The following CACNA1C variants were observed in gnomAD, a reference collection of about 807,000 sequenced individuals.
The protein encoded by CACNA1C is voltage-dependent L-type calcium channel subunit alpha-1C.
A neutral mutation model predicts 229.0 loss-of-function variants in CACNA1C; 30 were observed. The observed-to-expected ratio is 0.13, with a 90% CI of 0.10 to 0.18. The LOEUF (loss-of-function observed/expected upper bound fraction) is 0.18. CACNA1C is among the 10% of genes least tolerant of loss of function. The pLI is 1.00. For synonymous variants in CACNA1C, 1,114 were observed against 1,132.5 expected (o/e 0.98, Z 0.33); for missense variants, 1,658 against 2,845.0 (o/e 0.58, Z 9.49).
At chr12:2,413,472 A>G (rs562899892) in intron 3 of CACNA1C, among the ~76,000 whole-genome samples, 1 of 152,302 alleles carries the variant, frequency 6.6e-6, no homozygotes, top group African/African-American at 2.4e-5. Context: ...CTCCTGCCAA[A>G]TGAAGTCAGC....
At chr12:2,222,783 T>A (rs1361751075) in intron 3 of CACNA1C, among the ~76,000 whole-genome samples, 1 of 152,172 alleles carries the variant, frequency 6.6e-6, no homozygotes, top group Non-Finnish European at 1.5e-5. Context: ...GAGGAGTGCT[T>A]TCTCATTCAC....
intron 3 of CACNA1C, among the ~76,000 whole-genome samples, chr12:2,430,257 G>T (rs1413069660): frequency 6.6e-6 from 1 of 152,128 alleles, no homozygotes; most frequent in African/African-American, 2.4e-5. Context: ...GAATTTGGGG[G>T]AGGGAATCAC....
chr12:2,611,377 GA>G (rs1201553959), intron 28 of CACNA1C, among the ~76,000 whole-genome samples: 1 of 147,604 alleles, frequency 6.8e-6, no homozygotes, highest in Non-Finnish European at 1.5e-5. Flanking sequence ...GGAGGAGATG[GA>G]GGAGGGAGGG....
chr12:2,690,052 G>A (rs1324689017), intron 46 of CACNA1C: 2 of 152,254 alleles, frequency 1.3e-5, no homozygotes, highest in East Asian at 3.9e-4. Flanking sequence ...AGCCGGTAGG[G>A]AGGACAGAGA....
chr12:2,269,957 A>C (rs2084116104), intron 3 of CACNA1C: 1 of 152,338 alleles, frequency 6.6e-6, no homozygotes, highest in Admixed American at 6.5e-5. Flanking sequence ...GGGACATGGA[A>C]AGAAAACACC....
intron 3 of CACNA1C, among the ~76,000 whole-genome samples, chr12:2,367,658 G>A (rs1372263944): frequency 1.3e-5 from 2 of 152,084 alleles, no homozygotes; most frequent in African/African-American, 4.8e-5. Flanking sequence ...ACAATATAAA[G>A]CAGCTGGTGC....
intron 1 of CACNA1C, among the ~76,000 whole-genome samples, chr12:1,982,713 C>G (rs2036512358): frequency 6.6e-6 from 1 of 152,010 alleles, no homozygotes. Context: ...GATTTTTATA[C>G]CTATATTCAC....
chr12:2,169,052 G>A (rs994799059), intron 3 of CACNA1C, among the ~76,000 whole-genome samples: 10 of 152,108 alleles, frequency 6.6e-5, no homozygotes, highest in African/African-American at 1.9e-4. Context: ...CCAGCCGCTC[G>A]CCTTCAGCAT....
chr12:2,621,422 G>A (rs56084590), intron 29 of CACNA1C, among the ~76,000 whole-genome samples: 11,242 of 152,270 alleles, frequency 0.074, 460 homozygotes, highest in Middle Eastern at 0.11. Context: ...TGGAAACTGA[G>A]AGTGGCGCGT....
Position 2,677,214 on chromosome 12 carries a change from C to A in CACNA1C, c.4949C>A (p.Ser1650Tyr). ...VGKPSQRNAL[S>Y]LQAGLRTLHD... ...AAGCCCTCCCAGAGGAACGCGCTGTCTCTGCAGGTGAGGGCCTGGGGGCGG... is the reference window on the plus strand; with the variant it reads ...AAGCCCTCCCAGAGGAACGCGCTGTATCTGCAGGTGAGGGCCTGGGGGCGG... Residue 1650 changes from serine to tyrosine, a missense_variant, in exon 40 of 47, where the codon TCT (serine) becomes TAT (tyrosine). Around this residue, in one of 20 missense-constraint regions of CACNA1C, gnomAD observed 590 missense variants for 700.8 expected, o/e 0.84. Transcript: ENST00000399655. This position sits in a 1 kb window ranked among gnomAD's most constrained non-coding sequence, Gnocchi z 7.4. 6.2e-7 allele frequency: 1 copy of A among 1,613,616 alleles called. No individual in the cohort carries two copies. Among genetic ancestry groups the A allele is most frequent in the Non-Finnish European group, 8.5e-7 (1 of 1,179,786 alleles).
chr12:2,641,711 A>G (rs1281595233), intron 30 of CACNA1C: 4 of 702,426 alleles, frequency 5.7e-6, no homozygotes, highest in Middle Eastern at 4.6e-4. Flanking sequence ...TTGTACCTTG[A>G]AGAGAAGGCG....
intron 3 of CACNA1C, among the ~76,000 whole-genome samples, chr12:2,253,689 G>A (rs2076398219): frequency 6.6e-6 from 1 of 152,200 alleles, no homozygotes; most frequent in Non-Finnish European, 1.5e-5. Context: ...ATTCACACAC[G>A]TAGGTAGTCA....
rs1321189618 is a variant in CACNA1C, at chr12:2,275,189, T to C, written c.477+154759T>C. On this transcript the variant is annotated intron_variant, in intron 3 of 46. Coordinates refer to ENST00000399655, the MANE Select transcript of CACNA1C (RefSeq NM_000719.7). The surrounding 1 kb of genome is among the most constrained non-coding windows in gnomAD (Gnocchi z 4.1). ...TAGTTGTGGCAGTGTGTTTGGTGTG[T>C]AATCATTGTCCTGCTAGCTAGCAGT... Among the ~76,000 whole-genome samples the C allele has an allele frequency of 6.6e-6, 1 of 152,226 alleles. No individual in the cohort carries two copies. Among genetic ancestry groups the C allele is most frequent in the Non-Finnish European group, 1.5e-5 (1 of 68,046 alleles).
Position 2,677,073 on chromosome 12 carries a change from T to C in CACNA1C, c.4829-21T>C. Reference sequence around the variant, plus strand: ...TCCCCTGCTCCCCTCTTACCCCCTCTCCCCTCTCCATACGTCTCAGATGAT... The same window carrying C: ...TCCCCTGCTCCCCTCTTACCCCCTCCCCCCTCTCCATACGTCTCAGATGAT... On this transcript the variant is annotated intron_variant, in intron 39 of 46. Transcript: ENST00000399655. This position sits in a 1 kb window ranked among gnomAD's most constrained non-coding sequence, Gnocchi z 7.4. 1.2e-6 allele frequency: 2 copies of C among 1,604,024 alleles called. No homozygotes were observed. Among genetic ancestry groups the C allele is most frequent in the Non-Finnish European group, 1.7e-6 (2 of 1,172,782 alleles).
At chr12:2,553,557 G>A (rs1353856262) in intron 10 of CACNA1C, among the ~76,000 whole-genome samples, 1 of 152,226 alleles carries the variant, frequency 6.6e-6, no homozygotes, top group African/African-American at 2.4e-5. Flanking sequence ...TGATGCCACG[G>A]TGGAGACTGA....
intron 34 of CACNA1C, among the ~76,000 whole-genome samples, chr12:2,657,217 G>T (rs1296530121): frequency 6.6e-6 from 1 of 152,130 alleles, no homozygotes; most frequent in Non-Finnish European, 1.5e-5. Flanking sequence ...TTATGAACAA[G>T]GACATTATAA....
At chr12:2,579,551 C>T (rs1354344053) in intron 13 of CACNA1C, among the ~76,000 whole-genome samples, 1 of 150,352 alleles carries the variant, frequency 6.7e-6, no homozygotes, top group Non-Finnish European at 1.5e-5. Context: ...TAACACACCC[C>T]TACTGGTATT....
chr12:2,535,675 C>G (rs2099852208), intron 9 of CACNA1C, among the ~76,000 whole-genome samples: 1 of 134,064 alleles, frequency 7.5e-6, no homozygotes, highest in East Asian at 2.2e-4. Context: ...CAGTGCACTC[C>G]AGCCTGGGTG....
chr12:2,288,195 T>A (rs2092989480), intron 3 of CACNA1C: 2 of 152,616 alleles, frequency 1.3e-5, no homozygotes, highest in East Asian at 1.9e-4. Context: ...TCCTTGAGCA[T>A]GAATGTGCAG....
Sources: gnomAD v4.1 joint callset for allele counts (sites outside exome capture counted in the v4.1 genomes callset) on GRCh38, gnomAD v4.1.1 for gene constraint, gnomAD v4.1.1 regional missense constraint, Gnocchi (gnomAD v3.1) non-coding constraint, MANE v1.5 for transcripts, NCBI Gene and HGNC (gene_info 2026-07-23, HGNC 2026-07-21) for gene names.